LHFPL3: variants seen among roughly 807,000 people sequenced by gnomAD.
The protein encoded by LHFPL3 is LHFPL tetraspan subfamily member 3 protein.
A neutral mutation model predicts 19.3 loss-of-function variants in LHFPL3; 5 were observed. The observed-to-expected ratio is 0.26, with a 90% CI of 0.14 to 0.54. The LOEUF (loss-of-function observed/expected upper bound fraction) is 0.54. Ranked by LOEUF, LHFPL3 falls within the 20% of genes least tolerant of loss-of-function variation. LHFPL3 has a pLI of 0.94. For synonymous variants in LHFPL3, 133 were observed against 126.2 expected (o/e 1.05, Z -0.36); for missense variants, 249 against 307.4 (o/e 0.81, Z 1.42).
chr7:104,655,220 T>A (rs1363952921), intron 1 of LHFPL3, among the ~76,000 whole-genome samples: 1 of 152,214 alleles, frequency 6.6e-6, no homozygotes, highest in Admixed American at 6.5e-5. Flanking sequence ...TTCTGTCTCT[T>A]CGGTTGTCTG....
At chr7:104,610,767 T>A (rs1791198524) in intron 1 of LHFPL3, among the ~76,000 whole-genome samples, 1 of 152,224 alleles carries the variant, frequency 6.6e-6, no homozygotes, top group South Asian at 2.1e-4. Context: ...GCTCATCTCA[T>A]CCAGAAACAC....
intron 2 of LHFPL3, among the ~76,000 whole-genome samples, chr7:104,869,339 T>C (rs535648012): frequency 4.6e-4 from 70 of 152,254 alleles, no homozygotes; most frequent in Non-Finnish European, 7.8e-4. Context: ...GCAATCTACT[T>C]ATCTGACAAA....
chr7:104,821,411 C>T (rs554728277), intron 2 of LHFPL3, among the ~76,000 whole-genome samples: 17 of 152,328 alleles, frequency 1.1e-4, no homozygotes, highest in African/African-American at 2.9e-4. Context: ...GGGCAAGAGC[C>T]GGTTTCATGC....
intron 1 of LHFPL3, among the ~76,000 whole-genome samples, chr7:104,585,480 A>AACACACAAACACACACACACAC (rs368941359): frequency 8.1e-6 from 1 of 123,360 alleles, no homozygotes; most frequent in East Asian, 2.4e-4. Context: ...AACACACACA[A>AACACACAAACACACACACACAC]ACACACACAC....
Position 104,711,472 on chromosome 7 carries a change from G to C in LHFPL3, c.446-25203G>C, listed in dbSNP as rs369444251. Among the ~76,000 whole-genome samples, 5 of 152,214 alleles carry C rather than the reference G, an allele frequency of 3.3e-5. No homozygotes were observed. In the East Asian group the frequency reaches 5.8e-4, roughly 18 times the overall value. Reference sequence around the variant, plus strand: ...CCAAAGTTAGGCTTGATTCAAGATGGAGATGATGTCCAAGGCAGGGTGGTG... The same window carrying C: ...CCAAAGTTAGGCTTGATTCAAGATGCAGATGATGTCCAAGGCAGGGTGGTG... On this transcript the variant is annotated intron_variant, in intron 1 of 2. Transcript: ENST00000424859.
chr7:104,832,337 A>T (rs1308674331), intron 2 of LHFPL3, among the ~76,000 whole-genome samples: 1 of 151,948 alleles, frequency 6.6e-6, no homozygotes, highest in African/African-American at 2.4e-5. Flanking sequence ...ACTATGAAGG[A>T]CCTGGTTTTG....
At chr7:104,514,262 T>C (rs1024808439) in intron 1 of LHFPL3, among the ~76,000 whole-genome samples, 5 of 152,168 alleles carry the variant, frequency 3.3e-5, no homozygotes, top group Non-Finnish European at 7.4e-5. Flanking sequence ...AATCTTCTAC[T>C]TCATCAGATC....
chr7:104,879,135 G>T (rs1445209956), intron 2 of LHFPL3, among the ~76,000 whole-genome samples: 1 of 152,152 alleles, frequency 6.6e-6, no homozygotes. Flanking sequence ...GCAAGGTAGG[G>T]GCTGGCCATG....
chr7:104,388,620 T>A (rs56293552), intron 1 of LHFPL3, among the ~76,000 whole-genome samples: 4 of 152,070 alleles, frequency 2.6e-5, no homozygotes, highest in African/African-American at 9.7e-5. Context: ...TTTTTAAATA[T>A]AGACACAAAA....
chr7:104,538,759 AC>A (rs1794433631), intron 1 of LHFPL3, among the ~76,000 whole-genome samples: 1 of 152,214 alleles, frequency 6.6e-6, no homozygotes, highest in Admixed American at 6.5e-5. Flanking sequence ...AGATGTCCAC[AC>A]CCTATTCTTC....
intron 1 of LHFPL3, among the ~76,000 whole-genome samples, chr7:104,556,563 C>A (rs1185848627): frequency 6.6e-6 from 1 of 152,154 alleles, no homozygotes; most frequent in East Asian, 1.9e-4. Flanking sequence ...TGGGCCCAGC[C>A]CACAAAACCA....
At chr7:104,837,014 C>A (rs192974373) in intron 2 of LHFPL3, among the ~76,000 whole-genome samples, 3 of 152,228 alleles carry the variant, frequency 2.0e-5, no homozygotes, top group Admixed American at 6.5e-5. Flanking sequence ...GATCTCCGTT[C>A]CATTAGGAAA....
chr7:104,667,479 T>G (rs577507270), intron 1 of LHFPL3, among the ~76,000 whole-genome samples: 10 of 152,324 alleles, frequency 6.6e-5, no homozygotes, highest in African/African-American at 2.4e-4. Flanking sequence ...TCCTGGGTGC[T>G]TATGCCTATA....
At chr7:104,329,693 C>G (rs956581666) in intron 1 of LHFPL3, among the ~76,000 whole-genome samples, 2 of 152,128 alleles carry the variant, frequency 1.3e-5, no homozygotes, top group African/African-American at 4.8e-5. Flanking sequence ...TGTCATTGAT[C>G]CTGGGAAAGG....
chr7:104,478,104 A>G (rs1584347564), intron 1 of LHFPL3, among the ~76,000 whole-genome samples: 1 of 152,160 alleles, frequency 6.6e-6, no homozygotes, highest in African/African-American at 2.4e-5. Context: ...TTTATCCTTA[A>G]TTTTTTGTGG....
chr7:104,658,711 A>G (rs11981625), intron 1 of LHFPL3, among the ~76,000 whole-genome samples: 4,620 of 152,168 alleles, frequency 0.03, 232 homozygotes, highest in African/African-American at 0.11. Flanking sequence ...AATCGCTTGA[A>G]CCCAGGAGGA....
chr7:104,568,495 G>A (rs1033367488), intron 1 of LHFPL3, among the ~76,000 whole-genome samples: 15 of 152,132 alleles, frequency 9.9e-5, no homozygotes, highest in Non-Finnish European at 1.8e-4. Flanking sequence ...ACTTAGCCAA[G>A]GCCACATAAT....
chr7:104,690,802 C>A (rs1273656236), intron 1 of LHFPL3, among the ~76,000 whole-genome samples: 1 of 152,196 alleles, frequency 6.6e-6, no homozygotes, highest in Non-Finnish European at 1.5e-5. Flanking sequence ...TATTGAGTGA[C>A]CCAAAAGGCT....
intron 2 of LHFPL3, among the ~76,000 whole-genome samples, chr7:104,898,441 A>G (rs1176048290): frequency 6.6e-6 from 1 of 152,104 alleles, no homozygotes; most frequent in African/African-American, 2.4e-5. Flanking sequence ...TCACCTGGTA[A>G]TTGAGGGTGA....
Sources: allele counts gnomAD v4.1 joint callset (sites outside exome capture counted in the v4.1 genomes callset), GRCh38; gene constraint gnomAD v4.1.1; transcripts MANE v1.5; gene names NCBI Gene and HGNC (gene_info 2026-07-23, HGNC 2026-07-21).